Variants in DCC observed in about 807,000 individuals in gnomAD.
The protein encoded by DCC is DCC netrin 1 receptor.
DCC carries 58 observed loss-of-function variants against 172.5 expected under a neutral mutation model. That is an observed-to-expected ratio of 0.34 (90% CI 0.27 to 0.42). The LOEUF (loss-of-function observed/expected upper bound fraction) is 0.42. DCC is among the 10% of genes least tolerant of loss of function. The pLI, the probability that DCC is intolerant of heterozygous loss-of-function variation, is 1.00. For synonymous variants in DCC, 709 were observed against 644.5 expected (o/e 1.10, Z -1.52); for missense variants, 1,740 against 1,791.0 (o/e 0.97, Z 0.51).
At chr18:52,353,792 A>G (rs1018177805) in intron 1 of DCC, among the ~76,000 whole-genome samples, 1 of 152,248 alleles carries the variant, frequency 6.6e-6, no homozygotes, top group East Asian at 1.9e-4. Context: ...GAAAATCACT[A>G]GTGTTCCTCC....
intron 12 of DCC, among the ~76,000 whole-genome samples, chr18:53,261,496 C>A (rs1320074080): frequency 2.0e-5 from 3 of 152,096 alleles, no homozygotes; most frequent in Non-Finnish European, 2.9e-5. Flanking sequence ...TCAGTCAGAT[C>A]ACCACAACTT....
At position 53,339,742 on chromosome 18, in the gene DCC, C is replaced by T. The variant is rs868269938; in HGVS notation, c.2194C>T (p.Leu732Phe). ...ESQVPDQPSS[L>F]HVRPQTNCII... ...TCAAGTTCCTGATCAACCAAGCTCTCTTCATGTGAGGCCCCAGACTAACTG... is the reference window on the plus strand; with the variant it reads ...TCAAGTTCCTGATCAACCAAGCTCTTTTCATGTGAGGCCCCAGACTAACTG... The change falls in exon 15 of 29, where the codon CTT (leucine) becomes TTT (phenylalanine). Residue 732 changes from leucine (L) to phenylalanine (F), a missense_variant. Around this residue, in one of 2 missense-constraint regions of DCC, gnomAD observed 1,732 missense variants for 1,767.4 expected, o/e 0.98. Coordinates refer to ENST00000442544, the MANE Select transcript of DCC (RefSeq NM_005215.4). 5 of 1,613,968 alleles carry T rather than the reference C, an allele frequency of 3.1e-6. No homozygotes were observed. Among genetic ancestry groups the T allele is most frequent in the Non-Finnish European group, 4.2e-6 (5 of 1,179,948 alleles).
intron 2 of DCC, among the ~76,000 whole-genome samples, chr18:52,894,499 A>G (rs1258285071): frequency 2.0e-5 from 3 of 150,784 alleles, no homozygotes; most frequent in East Asian, 3.9e-4. Flanking sequence ...AATATTTTAT[A>G]TAATATATAG....
intron 5 of DCC, among the ~76,000 whole-genome samples, chr18:53,018,491 T>C (rs1423901426): frequency 6.6e-6 from 1 of 152,186 alleles, no homozygotes; most frequent in Non-Finnish European, 1.5e-5. Context: ...CTACTAACTA[T>C]ACTTTTGATT....
At chr18:53,228,616 CT>C (rs1439391331) in intron 12 of DCC, among the ~76,000 whole-genome samples, 1 of 152,096 alleles carries the variant, frequency 6.6e-6, no homozygotes, top group Non-Finnish European at 1.5e-5. Flanking sequence ...GTAGCAGACA[CT>C]TTCCCCTTGT....
At chr18:52,450,731 T>G (rs895482411) in intron 1 of DCC, among the ~76,000 whole-genome samples, 1 of 152,168 alleles carries the variant, frequency 6.6e-6, no homozygotes, top group African/African-American at 2.4e-5. Context: ...TGAAATGTAG[T>G]AGATACTCAA....
At chr18:52,583,577 C>A (rs957547617) in intron 1 of DCC, among the ~76,000 whole-genome samples, 1 of 152,084 alleles carries the variant, frequency 6.6e-6, no homozygotes, top group South Asian at 2.1e-4. Flanking sequence ...ACTAAATATT[C>A]CCTGAATAAT....
chr18:52,364,792 A>T (rs996451372), intron 1 of DCC, among the ~76,000 whole-genome samples: 3 of 152,214 alleles, frequency 2.0e-5, no homozygotes, highest in Non-Finnish European at 4.4e-5. Context: ...GCTTAGAGGC[A>T]GTGAGGAGGT....
intron 1 of DCC, among the ~76,000 whole-genome samples, chr18:52,356,132 T>C (rs1984353434): frequency 6.6e-6 from 1 of 152,146 alleles, no homozygotes; most frequent in African/African-American, 2.4e-5. Context: ...GAAGTAACTT[T>C]GGTGGCATAC....
intron 5 of DCC, among the ~76,000 whole-genome samples, chr18:52,949,235 G>GT (rs2040597260): frequency 6.6e-6 from 1 of 152,190 alleles, no homozygotes; most frequent in Non-Finnish European, 1.5e-5. Flanking sequence ...TGAGACTGCT[G>GT]TAACAATTTG....
chr18:52,778,239 G>A (rs895823783), intron 2 of DCC, among the ~76,000 whole-genome samples: 1 of 152,276 alleles, frequency 6.6e-6, no homozygotes, highest in African/African-American at 2.4e-5. Flanking sequence ...TTGTATGCAA[G>A]TTTATTTCCT....
At chr18:53,332,380 A>C (rs2144850649) in intron 14 of DCC, among the ~76,000 whole-genome samples, 1 of 152,338 alleles carries the variant, frequency 6.6e-6, no homozygotes, top group Admixed American at 6.5e-5. Context: ...AATGCAGTTA[A>C]AAATTACAAA....
At chr18:52,445,500 T>C (rs899208713) in intron 1 of DCC, among the ~76,000 whole-genome samples, 3 of 152,210 alleles carry the variant, frequency 2.0e-5, no homozygotes, top group South Asian at 4.1e-4. Flanking sequence ...ACACCCACTT[T>C]ATATATTCAC....
In DCC at chr18:53,339,622, T is replaced by G. The variant is rs2057632227; in HGVS notation, c.2165-91T>G. 5 of 962,754 alleles carry G rather than the reference T, an allele frequency of 5.2e-6. No homozygotes were observed. The Admixed American group carries it at 8.5e-5, about 16-fold the overall frequency. The allele number at this position is 962,754 out of a possible 1,614,324, so 59.6% of individuals were successfully genotyped here. The stretch of plus-strand genomic sequence containing the variant: ...AGGTGATGCATTATTTATGCATCTA[T>G]GAAATATGATTTCTCTTGCTTAAAT... On this transcript the variant is annotated intron_variant, in intron 14 of 28. Transcript: ENST00000442544.
chr18:52,423,935 C>A (rs1270892002), intron 1 of DCC, among the ~76,000 whole-genome samples: 2 of 151,994 alleles, frequency 1.3e-5, no homozygotes, highest in African/African-American at 4.8e-5. Flanking sequence ...TTTCCAAGAC[C>A]CTTTCGCTTC....
At chr18:53,160,925 C>T (rs943522708) in intron 8 of DCC, among the ~76,000 whole-genome samples, 4 of 152,132 alleles carry the variant, frequency 2.6e-5, no homozygotes, top group Non-Finnish European at 5.9e-5. Context: ...CTCTTTAAAG[C>T]GAAACTTTCA....
chr18:52,882,802 T>C (rs986841822), intron 2 of DCC, among the ~76,000 whole-genome samples: 2 of 152,130 alleles, frequency 1.3e-5, no homozygotes, highest in African/African-American at 2.4e-5. Flanking sequence ...CTAAATCTGA[T>C]GTTTCTTTGT....
chr18:52,532,070 A>G (rs1249407501), intron 1 of DCC, among the ~76,000 whole-genome samples: 1 of 152,118 alleles, frequency 6.6e-6, no homozygotes, highest in Non-Finnish European at 1.5e-5. Flanking sequence ...AGCTCCCCTC[A>G]CAGCCATCAT....
chr18:52,356,458 G>T (rs977541418), intron 1 of DCC, among the ~76,000 whole-genome samples: 3 of 152,164 alleles, frequency 2.0e-5, no homozygotes, highest in East Asian at 1.9e-4. Flanking sequence ...TACATTTTGC[G>T]GCCAAAGGGC....
Sources: gnomAD v4.1 joint callset for allele counts (sites outside exome capture counted in the v4.1 genomes callset) on GRCh38, gnomAD v4.1.1 for gene constraint, gnomAD v4.1.1 regional missense constraint, MANE v1.5 for transcripts, NCBI Gene and HGNC (gene_info 2026-07-23, HGNC 2026-07-21) for gene names.